Variants in ANO1 observed in about 807,000 individuals in gnomAD.
ANO1 encodes the protein anoctamin-1.
ANO1 carries 59 observed loss-of-function variants against 124.0 expected under a neutral mutation model. The ratio of observed to expected loss-of-function variants is 0.48; its 90% CI spans 0.39 to 0.59. The LOEUF is 0.59. Among genes scored for constraint, ANO1 ranks in the 20% least tolerant of loss-of-function variants. The pLI is 0.00. For synonymous variants in ANO1, 529 were observed against 532.0 expected, an observed-to-expected ratio of 0.99 and a Z score of 0.08; for missense variants, 1,059 against 1,328.0, an observed-to-expected ratio of 0.80 and a Z score of 3.15.
chr11:70,104,094 C>G lies in ANO1; in HGVS notation c.636C>G (p.His212Gln). The change falls in exon 4 of 26, where the codon CAC becomes CAG. Residue 212 changes from histidine (H) to glutamine (Q), a missense_variant. His to Gln is a conservative substitution (Grantham distance 24). Around this residue, in one of 2 missense-constraint regions of ANO1, gnomAD observed 809 missense variants for 1,094.9 expected, o/e 0.74. Coordinates refer to ENST00000355303, the MANE Select transcript of ANO1 (RefSeq NM_018043.7). ...TDPIQPKVAE[H>Q]RPQTMKRLSY... ...CCATCCAGCCCAAAGTGGCTGAGCA[C>G]AGGCCCCAGACCATGAAGAGACTCT... 1 of 1,613,126 alleles carries G rather than the reference C, an allele frequency of 6.2e-7. No homozygotes were observed. The highest frequency in any genetic ancestry group is 8.5e-7 in the Non-Finnish European group (1 of 1,179,640).
At chr11:69,971,094 T>C in the ANO1 span, among the ~76,000 whole-genome samples, 3 of 152,112 alleles carry the variant, frequency 2.0e-5, no homozygotes, top group Non-Finnish European at 4.4e-5. Context: ...AGAATAAATA[T>C]TGGGGGTGGG....
intron 1 of ANO1, among the ~76,000 whole-genome samples, chr11:70,044,699 T>A (rs1190464158): frequency 6.6e-6 from 1 of 152,208 alleles, no homozygotes; most frequent in Non-Finnish European, 1.5e-5. Flanking sequence ...TATCTCCTCA[T>A]CAATTTCTTA....
At chr11:70,082,510 A>C (rs532046564) in intron 1 of ANO1, among the ~76,000 whole-genome samples, 18 of 152,252 alleles carry the variant, frequency 1.2e-4, no homozygotes, top group Non-Finnish European at 2.4e-4. Context: ...CAGTGAGCCA[A>C]GATCGCACCA....
chr11:69,989,928 T>C (rs530534735), intron 1 of ANO1, among the ~76,000 whole-genome samples: 1 of 152,262 alleles, frequency 6.6e-6, no homozygotes, highest in African/African-American at 2.4e-5. Flanking sequence ...GAGGTTTGGG[T>C]GGGGATAAGT....
intron 8 of ANO1, among the ~76,000 whole-genome samples, chr11:70,123,762 G>A (rs1472267960): frequency 2.0e-5 from 3 of 152,158 alleles, no homozygotes; most frequent in African/African-American, 4.8e-5. Flanking sequence ...ACCCACATGC[G>A]CGGGTTTATT....
intron 1 of ANO1, among the ~76,000 whole-genome samples, chr11:70,032,945 C>T (rs540953035): frequency 7.6e-4 from 116 of 151,842 alleles, no homozygotes; most frequent in Non-Finnish European, 1.4e-3. Flanking sequence ...ACTGAACCAC[C>T]ACAGAAGGAA....
intron 24 of ANO1, among the ~76,000 whole-genome samples, chr11:70,184,519 C>G (rs1387819167): frequency 6.6e-6 from 1 of 152,080 alleles, no homozygotes; most frequent in Non-Finnish European, 1.5e-5. Context: ...TAATGAGAAC[C>G]AGGGGCAGTT....
chr11:70,145,076 G>A (rs1329510413), intron 11 of ANO1, among the ~76,000 whole-genome samples: 3 of 152,226 alleles, frequency 2.0e-5, no homozygotes, highest in Admixed American at 6.5e-5. Flanking sequence ...ATCGGAACTC[G>A]TGTGGGTGAG....
intron 25 of ANO1, among the ~76,000 whole-genome samples, chr11:70,187,114 C>T (rs2049161369): frequency 6.6e-6 from 1 of 152,120 alleles, no homozygotes; most frequent in Admixed American, 6.5e-5. Flanking sequence ...GCGTGAGCAG[C>T]CAACCCCAGC....
intron 1 of ANO1, chr11:70,020,969 C>T (rs1035120475): frequency 6.6e-6 from 1 of 152,244 alleles, no homozygotes; most frequent in African/African-American, 2.4e-5. Context: ...CCGAGAGGTG[C>T]TTCGCTGCGG....
At chr11:70,141,049 GT>G (rs753772567) in intron 11 of ANO1, among the ~76,000 whole-genome samples, 5 of 152,148 alleles carry the variant, frequency 3.3e-5, no homozygotes, top group Admixed American at 6.5e-5. Flanking sequence ...CCTAACAGAC[GT>G]CTCAGATGCG....
chr11:70,024,432 GC>G (rs1473473746), intron 1 of ANO1, among the ~76,000 whole-genome samples: 3 of 152,132 alleles, frequency 2.0e-5, no homozygotes, highest in Non-Finnish European at 4.4e-5. Flanking sequence ...GAAGACATTC[GC>G]CCGCTAGACC....
chr11:69,984,829 T>A (rs1329381151), upstream of ANO1, among the ~76,000 whole-genome samples: 1 of 152,234 alleles, frequency 6.6e-6, no homozygotes, highest in Non-Finnish European at 1.5e-5. Context: ...GGTGCAGAAG[T>A]TGTCAGATGA....
At chr11:70,032,498 C>CA (rs1857018829) in intron 1 of ANO1, among the ~76,000 whole-genome samples, 1 of 139,152 alleles carries the variant, frequency 7.2e-6, no homozygotes, top group Admixed American at 7.3e-5. Flanking sequence ...GGGAAGGGAG[C>CA]AAAAAAGATG....
At chr11:70,111,668 C>T (rs767987564) in intron 6 of ANO1, 39 bp from the exon 7 acceptor site, 13 of 1,607,908 alleles carry the variant, frequency 8.1e-6, no homozygotes, top group South Asian at 5.5e-5. Flanking sequence ...GCGGGAGACC[C>T]GCCTGCCCCA....
At chr11:70,085,264 A>T in intron 1 of ANO1, 2 of 933,772 alleles carry the variant, frequency 2.1e-6, no homozygotes, top group Non-Finnish European at 3.0e-6. Flanking sequence ...CCCGTCCTTC[A>T]TGGGGCTGGG....
intron 1 of ANO1, among the ~76,000 whole-genome samples, chr11:70,046,892 G>A (rs1022625257): frequency 3.3e-5 from 5 of 152,028 alleles, no homozygotes; most frequent in East Asian, 3.9e-4. Flanking sequence ...TGGCCAACAC[G>A]GTGAAACCCT....
At chr11:70,187,367 A>G (rs796311994) in intron 25 of ANO1, among the ~76,000 whole-genome samples, 53 of 152,286 alleles carry the variant, frequency 3.5e-4, no homozygotes, top group African/African-American at 1.2e-3. Context: ...GCAAACTGTA[A>G]AAGTTTGATC....
chr11:70,090,642 C>G (rs1253285313), intron 2 of ANO1, among the ~76,000 whole-genome samples: 3 of 152,178 alleles, frequency 2.0e-5, no homozygotes, highest in Non-Finnish European at 4.4e-5. Flanking sequence ...CTTTCCAAGT[C>G]TCATTAAATA....
Sources: allele counts gnomAD v4.1 joint callset (sites outside exome capture counted in the v4.1 genomes callset), GRCh38; gene constraint gnomAD v4.1.1; regional missense constraint gnomAD v4.1.1; transcripts MANE v1.5; gene names NCBI Gene and HGNC (gene_info 2026-07-23, HGNC 2026-07-21).